Variants in SGCD observed in about 807,000 individuals in gnomAD.
SGCD encodes the protein delta-sarcoglycan.
SGCD carries 18 observed loss-of-function variants against 36.6 expected under a neutral mutation model. The ratio of observed to expected loss-of-function variants is 0.49; its 90% CI spans 0.34 to 0.73. The LOEUF is 0.73. SGCD is among the 30% of genes least tolerant of loss of function. SGCD has a pLI of 0.01. For synonymous variants in SGCD, 133 were observed against 130.6 expected, an observed-to-expected ratio of 1.02 and a Z score of -0.12; for missense variants, 387 against 346.7, an observed-to-expected ratio of 1.12 and a Z score of -0.92.
intron 7 of SGCD, among the ~76,000 whole-genome samples, chr5:156,650,398 T>G (rs1250159852): frequency 6.6e-6 from 1 of 152,150 alleles, no homozygotes; most frequent in Non-Finnish European, 1.5e-5. Flanking sequence ...CATGAGTATG[T>G]TGCATGATGC....
At chr5:156,155,127 C>T (rs907972001) in intron 3 of SGCD, among the ~76,000 whole-genome samples, 1 of 151,676 alleles carries the variant, frequency 6.6e-6, no homozygotes, top group African/African-American at 2.4e-5. Flanking sequence ...TGGGACCAGG[C>T]TTTTCTTCTC....
chr5:156,199,491 C>G (rs1764093234), intron 3 of SGCD, among the ~76,000 whole-genome samples: 1 of 152,108 alleles, frequency 6.6e-6, no homozygotes, highest in Admixed American at 6.6e-5. Context: ...GTCTCACCAA[C>G]CTCAAACTCC....
At chr5:156,025,291 A>G (rs1759202445) in intron 1 of SGCD, among the ~76,000 whole-genome samples, 1 of 152,190 alleles carries the variant, frequency 6.6e-6, no homozygotes, top group East Asian at 1.9e-4. Context: ...AAAGTGGCCC[A>G]TGAGTCTCCC....
At chr5:156,239,462 G>C (rs1765252649) in intron 3 of SGCD, among the ~76,000 whole-genome samples, 1 of 148,810 alleles carries the variant, frequency 6.7e-6, no homozygotes, top group Non-Finnish European at 1.5e-5. Flanking sequence ...ATAGTGCAAA[G>C]TAGTGGAGGA....
chr5:156,510,251 A>G (rs1756873216), intron 4 of SGCD, among the ~76,000 whole-genome samples: 2 of 152,238 alleles, frequency 1.3e-5, no homozygotes, highest in South Asian at 4.1e-4. Context: ...TAAAGTACAC[A>G]GAGTATTGTG....
chr5:155,956,839 CCTTTA>C (rs1009010669), intron 1 of SGCD, among the ~76,000 whole-genome samples: 1 of 145,978 alleles, frequency 6.9e-6, no homozygotes, highest in African/African-American at 2.5e-5. Flanking sequence ...ATCTCGAGAT[CCTTTA>C]CTTAGTTATG....
intron 3 of SGCD, among the ~76,000 whole-genome samples, chr5:156,298,752 G>T (rs927540033): frequency 4.0e-5 from 6 of 151,550 alleles, no homozygotes; most frequent in African/African-American, 1.5e-4. Flanking sequence ...CATTCTTTGA[G>T]AAATGTCTAT....
chr5:156,333,986 C>CA (rs1191310393), intron 2 of SGCD, among the ~76,000 whole-genome samples: 1 of 151,248 alleles, frequency 6.6e-6, no homozygotes, highest in Non-Finnish European at 1.5e-5. Flanking sequence ...TACTCTGTGA[C>CA]GTTGATTAAG....
chr5:156,312,230 T>A (rs1767408447), intron 3 of SGCD, among the ~76,000 whole-genome samples: 1 of 152,172 alleles, frequency 6.6e-6, no homozygotes, highest in African/African-American at 2.4e-5. Context: ...GAAAGGAAAT[T>A]TTTTGGTCCC....
At chr5:156,163,816 C>T (rs1334188768) in intron 3 of SGCD, among the ~76,000 whole-genome samples, 4 of 151,198 alleles carry the variant, frequency 2.6e-5, no homozygotes, top group Middle Eastern at 3.4e-3. Context: ...GTCAGGAGAT[C>T]GAGACCATCC....
intron 3 of SGCD, among the ~76,000 whole-genome samples, chr5:156,204,108 G>T (rs1427707569): frequency 6.6e-6 from 1 of 152,074 alleles, no homozygotes; most frequent in Non-Finnish European, 1.5e-5. Context: ...TAAAAGCCAA[G>T]AGTGTGGTTG....
intron 4 of SGCD, among the ~76,000 whole-genome samples, chr5:156,554,067 A>T (rs1758903073): frequency 6.6e-6 from 1 of 152,180 alleles, no homozygotes; most frequent in Admixed American, 6.6e-5. Context: ...GCAATAAGAC[A>T]TTTTGAGACC....
intron 3 of SGCD, among the ~76,000 whole-genome samples, chr5:156,180,868 A>G (rs1258766143): frequency 6.6e-6 from 1 of 152,230 alleles, no homozygotes. Context: ...GCACAAGAGC[A>G]AAGGTAATCT....
intron 1 of SGCD, among the ~76,000 whole-genome samples, chr5:155,955,640 T>C (rs1757634686): frequency 6.6e-6 from 1 of 152,166 alleles, no homozygotes; most frequent in Non-Finnish European, 1.5e-5. Context: ...AGTATTTCTG[T>C]TGCGTGTTTG....
chr5:156,611,686 A>G (rs772424738), intron 6 of SGCD, among the ~76,000 whole-genome samples: 11 of 152,260 alleles, frequency 7.2e-5, no homozygotes, highest in Non-Finnish European at 1.5e-4. Flanking sequence ...GCCTTTCTTC[A>G]TCTATTCCCC....
At chr5:156,593,345 G>A (rs538312291) in intron 5 of SGCD, among the ~76,000 whole-genome samples, 59 of 152,140 alleles carry the variant, frequency 3.9e-4, no homozygotes, top group African/African-American at 1.3e-3. Context: ...CAGAACACGC[G>A]CACCAGACAA....
At chr5:156,073,262 T>G (rs1213438908) in intron 1 of SGCD, among the ~76,000 whole-genome samples, 2 of 152,126 alleles carry the variant, frequency 1.3e-5, no homozygotes, top group Non-Finnish European at 2.9e-5. Flanking sequence ...TTCCCCTCTA[T>G]TATATCATAC....
At chr5:156,090,198 A>G (rs1210932091) in intron 1 of SGCD, among the ~76,000 whole-genome samples, 1 of 152,200 alleles carries the variant, frequency 6.6e-6, no homozygotes, top group Admixed American at 6.5e-5. Flanking sequence ...TGGGTGTTTA[A>G]TGTCCTTATT....
intron 4 of SGCD, among the ~76,000 whole-genome samples, chr5:156,547,781 C>T (rs766690783): frequency 1.3e-4 from 20 of 152,080 alleles, no homozygotes; most frequent in Non-Finnish European, 2.2e-4. Context: ...AAGTTGGTCT[C>T]GAGGACTGAG....
Sources: allele counts gnomAD v4.1 joint callset (sites outside exome capture counted in the v4.1 genomes callset), GRCh38; gene constraint gnomAD v4.1.1; transcripts MANE v1.5; gene names NCBI Gene and HGNC (gene_info 2026-07-23, HGNC 2026-07-21).